Variants in RFLNA observed in about 807,000 individuals in gnomAD.
The protein encoded by RFLNA is refilin-A.
A neutral mutation model predicts 7.8 loss-of-function variants in RFLNA; 5 were observed. The observed-to-expected ratio is 0.64, with a 90% confidence interval of 0.34 to 1.35. The LOEUF (loss-of-function observed/expected upper bound fraction) is 1.35. Ranked by LOEUF, RFLNA falls within the 40% of genes most tolerant of loss-of-function variation. The probability of loss-of-function intolerance (pLI) is 0.04; values close to 1 mark genes in which losing one functional copy is unlikely to be tolerated. For synonymous variants in RFLNA, 141 were observed against 131.3 expected (o/e 1.07, Z -0.50); for missense variants, 278 against 305.5 (o/e 0.91, Z 0.67).
intron 1 of RFLNA, among the ~76,000 whole-genome samples, chr12:124,296,405 G>A (rs7133338): frequency 0.058 from 8,783 of 150,916 alleles, 475 homozygotes; most frequent in East Asian, 0.3. Flanking sequence ...GGCACCCCCC[G>A]GCAGGCGGGG....
rs762001629 is a variant in RFLNA, at chr12:124,311,302, G to A, written c.208-516G>A. ...TTCTGATCAGCTTCCTGTGCCCCTC[G>A]ACAGGCCTGGCCAGCTCCCACCTGT... On this transcript the variant is annotated intron_variant, in intron 1 of 2. Coordinates refer to ENST00000546355, the MANE Select transcript of RFLNA (RefSeq NM_001365156.1). 1.7e-4 allele frequency among the ~76,000 whole-genome samples: 18 copies of A among 106,208 alleles called. 2 individuals carry two copies. The highest frequency in any genetic ancestry group is 8.6e-4 in the South Asian group (2 of 2,334). 69.7% of individuals were successfully genotyped at this position (106,208 alleles called of 152,430 possible). A position where few individuals can be genotyped will look rare whatever the true frequency, so the allele number is the denominator to read the frequency against.
At chr12:124,296,816 G>C (rs767056232) in intron 1 of RFLNA, among the ~76,000 whole-genome samples, 1 of 152,212 alleles carries the variant, frequency 6.6e-6, no homozygotes, top group Admixed American at 6.5e-5. Context: ...TTGATAGGGG[G>C]TGCAGCTCGG....
rs2034134331 is a variant in RFLNA, at chr12:124,306,179, C to A, written c.208-5639C>A. Among the ~76,000 whole-genome samples, 1 of 152,094 alleles carries A rather than the reference C, an allele frequency of 6.6e-6. No individual in the cohort carries two copies. Among genetic ancestry groups the A allele is most frequent in the Admixed American group, 6.5e-5 (1 of 15,278 alleles). The stretch of plus-strand genomic sequence containing the variant: ...GTGCAGGGGCGGAGAGGTGCCAGGT[C>A]CTGGGCTTAGAGGTGATAAGGACTC... On this transcript the variant is annotated intron_variant, in intron 1 of 2. Transcript: ENST00000546355. This position sits in a 1 kb window ranked among gnomAD's most constrained non-coding sequence, Gnocchi z 5.2.
In RFLNA at chr12:124,295,555, C is replaced by T. The variant is rs1806688837; in HGVS notation, c.126C>T (p.Ser42=). The change falls in exon 1 of 3, where the codon TCC becomes TCT. Residue 42 remains serine (S), a synonymous_variant. Coordinates refer to ENST00000546355, the MANE Select transcript of RFLNA (RefSeq NM_001365156.1). ...PSPSPSPPFY[S]LAPGILDARA... ...CCAGCCCCAGCCCGCCCTTCTACTC[C>T]CTGGCGCCCGGCATCCTCGACGCGC... 36 of 1,226,790 alleles carry T rather than the reference C, an allele frequency of 2.9e-5. No homozygotes were observed. The highest frequency in any genetic ancestry group is 1.4e-4 in the Admixed American group (3 of 21,854). 76.0% of individuals were successfully genotyped at this position (1,226,790 alleles called of 1,614,324 possible). A position where few individuals can be genotyped will look rare whatever the true frequency, so the allele number is the denominator to read the frequency against.
At position 124,311,907 on chromosome 12, in the gene RFLNA, G is replaced by A. The variant is rs148521228; in HGVS notation, c.297G>A (p.Pro99=). 1.2e-4 allele frequency: 189 copies of A among 1,593,050 alleles called. 1 individual carries two copies. The African/African-American group carries it at 1.8e-3, about 16-fold the overall frequency. Residue 99 remains proline (P), a synonymous_variant, in exon 2 of 3, where the codon CCG becomes CCA. Transcript: ENST00000546355. Reference sequence around the variant, plus strand: ...TTGGGGAGAGCATCAAGGTGAACCCGGAACCCACGCATGAGATCCGGTGAG... The same window carrying A: ...TTGGGGAGAGCATCAAGGTGAACCCAGAACCCACGCATGAGATCCGGTGAG... The part of the protein sequence containing the change: ...VFFGESIKVN[P]EPTHEIRCNS...
chr12:124,298,020 A>G (rs1004220083), intron 1 of RFLNA, among the ~76,000 whole-genome samples: 1 of 152,238 alleles, frequency 6.6e-6, no homozygotes, highest in Non-Finnish European at 1.5e-5. Flanking sequence ...AGGGTTTCCA[A>G]CACCCGAGGA....
intron 1 of RFLNA, among the ~76,000 whole-genome samples, chr12:124,305,586 G>T (rs545743862): frequency 9.2e-5 from 14 of 152,306 alleles, no homozygotes; most frequent in African/African-American, 3.4e-4. Context: ...TCCTGTGCCT[G>T]TTCTGGCTCC....
intron 1 of RFLNA, among the ~76,000 whole-genome samples, chr12:124,304,938 C>A (rs562847212): frequency 6.6e-6 from 1 of 152,362 alleles, no homozygotes; most frequent in South Asian, 2.1e-4. Context: ...CAAACAAACA[C>A]CTGCACGCAC....
rs1277958749 is a variant in RFLNA at position 124,314,704 on chromosome 12, G to A, written c.*179G>A. On this transcript the variant is annotated 3_prime_UTR_variant, in exon 3 of 3. Transcript: ENST00000546355. The stretch of plus-strand genomic sequence containing the variant: ...CTGCCTGCCCTGACCTACAGGCTAG[G>A]TGGTGGTCTCCTTGTTTTGGTGTCA... 2.9e-6 allele frequency: 3 copies of A among 1,030,800 alleles called. No homozygotes were observed. In the South Asian group the frequency reaches 4.1e-5, roughly 14 times the overall value. 63.9% of individuals were successfully genotyped at this position (1,030,800 alleles called of 1,614,324 possible).
At chr12:124,307,184 C>T (rs889183002) in intron 1 of RFLNA, among the ~76,000 whole-genome samples, 5 of 152,214 alleles carry the variant, frequency 3.3e-5, no homozygotes, top group African/African-American at 4.8e-5. Context: ...GAAATAAATG[C>T]GTAAGCAAAA....
chr12:124,312,459 C>T (rs996501302), intron 2 of RFLNA, among the ~76,000 whole-genome samples: 9 of 151,834 alleles, frequency 5.9e-5, no homozygotes, highest in Non-Finnish European at 1.3e-4. Context: ...TGCAGGTGTG[C>T]GCCCCCATGG....
rs753807896 is a variant in RFLNA at position 124,311,898 on chromosome 12, G to A, written c.288G>A (p.Lys96=). 1.3e-6 allele frequency: 2 copies of A among 1,598,068 alleles called. No individual in the cohort carries two copies. Among genetic ancestry groups the A allele is most frequent in the Admixed American group, 3.4e-5 (2 of 58,210 alleles). The part of the protein sequence containing the change: ...MLPVFFGESI[K]VNPEPTHEIR... Reference sequence around the variant, plus strand: ...CAGTGTTCTTTGGGGAGAGCATCAAGGTGAACCCGGAACCCACGCATGAGA... The same window carrying A: ...CAGTGTTCTTTGGGGAGAGCATCAAAGTGAACCCGGAACCCACGCATGAGA... Residue 96 remains lysine (K), a synonymous_variant, in exon 2 of 3, where the codon AAG becomes AAA. Transcript: ENST00000546355.
chr12:124,314,581 G>C lies in RFLNA; in HGVS notation c.*56G>C. 1.3e-6 allele frequency: 2 copies of C among 1,535,842 alleles called. No homozygotes were observed. Among genetic ancestry groups the C allele is most frequent in the Admixed American group, 3.9e-5 (2 of 51,066 alleles). ...GAGCCGGGAGCCCTGGGGAGAAGCC[G>C]GGAGGATGGACACGATGAGCTCGGC... On this transcript the variant is annotated 3_prime_UTR_variant, in exon 3 of 3. Coordinates refer to ENST00000546355, the MANE Select transcript of RFLNA (RefSeq NM_001365156.1).
At chr12:124,307,959 C>G (rs555046510) in intron 1 of RFLNA, among the ~76,000 whole-genome samples, 1 of 151,464 alleles carries the variant, frequency 6.6e-6, no homozygotes, top group East Asian at 1.9e-4. Flanking sequence ...GCCTCCACAT[C>G]GTCCCTGTGC....
At chr12:124,297,599 G>A (rs1042074802) in intron 1 of RFLNA, among the ~76,000 whole-genome samples, 2 of 152,244 alleles carry the variant, frequency 1.3e-5, no homozygotes, top group African/African-American at 4.8e-5. Flanking sequence ...AAGCGGCTGT[G>A]CTGGGCTAGA....
rs76430913 is a variant in RFLNA at position 124,312,928 on chromosome 12, G to A, written c.317+1001G>A. Among the ~76,000 whole-genome samples the A allele has an allele frequency of 4.3e-3, 659 of 152,258 alleles. 6 individuals are homozygous for A. The highest frequency in any genetic ancestry group is 0.015 in the African/African-American group (620 of 41,542). ...TTCCCAAGGATGGAGTGTGGGATCC[G>A]TGAGTCTTACCCACATATCTATGGG... On this transcript the variant is annotated intron_variant, in intron 2 of 2. Coordinates refer to ENST00000546355, the MANE Select transcript of RFLNA (RefSeq NM_001365156.1).
upstream of RFLNA, among the ~76,000 whole-genome samples, chr12:124,292,252 C>T (rs915524803): frequency 6.6e-6 from 1 of 152,118 alleles, no homozygotes; most frequent in Non-Finnish European, 1.5e-5. Flanking sequence ...TAAGGGCCTC[C>T]GTAGACCTAG....
chr12:124,310,509 CTGCAGGGAGGGGG>C (rs2034224452), intron 1 of RFLNA, among the ~76,000 whole-genome samples: 1 of 5,636 alleles, frequency 1.8e-4, no homozygotes. Flanking sequence ...GGGAGGTGGA[CTGCAGGGAGGGGG>C]AGGTGGACTG....
At chr12:124,290,539 T>C (rs1718505714), upstream of RFLNA, among the ~76,000 whole-genome samples, 1 of 152,202 alleles carries the variant, frequency 6.6e-6, no homozygotes, top group South Asian at 2.1e-4. The surrounding 1 kb of genome is among the most constrained non-coding windows in gnomAD (Gnocchi z 4.0). Context: ...TGTGTTTATG[T>C]GTATATACAT....
Sources: gnomAD v4.1 joint callset for allele counts (sites outside exome capture counted in the v4.1 genomes callset) on GRCh38, gnomAD v4.1.1 for gene constraint, Gnocchi (gnomAD v3.1) non-coding constraint, MANE v1.5 for transcripts, NCBI Gene and HGNC (gene_info 2026-07-23, HGNC 2026-07-21) for gene names.